The following CSPP1 variants were observed in gnomAD, a reference collection of about 807,000 sequenced individuals.
The protein encoded by CSPP1 is centrosome and spindle pole associated protein 1.
A neutral mutation model predicts 164.4 loss-of-function variants in CSPP1; 126 were observed. The ratio of observed to expected loss-of-function variants is 0.77; its 90% CI spans 0.66 to 0.89. CSPP1 has a LOEUF of 0.89. Ranked by LOEUF, CSPP1 falls within the 40% of genes least tolerant of loss-of-function variation. The pLI is 0.00. For synonymous variants in CSPP1, 472 were observed against 476.7 expected (o/e 0.99, Z 0.13); for missense variants, 1,395 against 1,449.8 (o/e 0.96, Z 0.61).
At chr8:67,187,123 T>C (rs1834890214) in intron 28 of CSPP1, among the ~76,000 whole-genome samples, 1 of 152,212 alleles carries the variant, frequency 6.6e-6, no homozygotes, top group Non-Finnish European at 1.5e-5. Context: ...TGACTCAGTA[T>C]TGTCAAGATG....
rs754878483 is a variant in CSPP1, at chr8:67,158,551, G to A, written c.2346G>A (p.Gln782=). The A allele has an allele frequency of 3.1e-6, 5 of 1,611,124 alleles. No homozygotes were observed. The South Asian group carries it at 5.5e-5, about 18-fold the overall frequency. The part of the protein sequence containing the change: ...RLAEQRARIQ[Q]EYEEEQEKKR... ...CAGAACAGAGGGCACGAATTCAGCA[G>A]GAGTATGAAGAGGAACAGGAAAAGA... The change falls in exon 20 of 31, where the codon CAG becomes CAA. Residue 782 remains glutamine (Q), a synonymous_variant. Transcript: ENST00000678616.
At position 67,159,509 on chromosome 8, in the gene CSPP1, CTTTTTTTTTTTTTTTTT is replaced by C. The variant is rs1172369424; in HGVS notation, c.2538+385_2538+401del. ...GTTTATATATATATATATATGTATT[CTTTTTTTTTTTTTTTTT>C]TTTTTTTTTTTTGAGACATAATCTC... On this transcript the variant is annotated intron_variant, in intron 21 of 30. Transcript: ENST00000678616. 5.2e-3 allele frequency among the ~76,000 whole-genome samples: 253 copies of C among 48,928 alleles called. 3 individuals carry two copies. The highest frequency in any genetic ancestry group is 0.018 in the African/African-American group (243 of 13,678). 32.1% of individuals were successfully genotyped at this position (48,928 alleles called of 152,430 possible).
intron 19 of CSPP1, among the ~76,000 whole-genome samples, chr8:67,154,981 G>T (rs1042764467): frequency 6.6e-6 from 1 of 152,162 alleles, no homozygotes; most frequent in Non-Finnish European, 1.5e-5. Flanking sequence ...TTAGATTTAA[G>T]ATAATCACAG....
At chr8:67,100,407 G>C (rs1001743656) in intron 7 of CSPP1, among the ~76,000 whole-genome samples, 3 of 152,092 alleles carry the variant, frequency 2.0e-5, no homozygotes, top group Non-Finnish European at 4.4e-5. Context: ...GTGGTATAAA[G>C]ATAAGCTAGA....
At chr8:67,131,033 A>C (rs1166209372) in intron 15 of CSPP1, among the ~76,000 whole-genome samples, 1 of 152,168 alleles carries the variant, frequency 6.6e-6, no homozygotes, top group African/African-American at 2.4e-5. Flanking sequence ...ATTTGAATTT[A>C]TCTTTTATAA....
Position 67,190,733 on chromosome 8 carries a change from AG to A in CSPP1, c.3306del (p.Asn1103ThrfsTer6), listed in dbSNP as rs1835987472. The A allele has an allele frequency of 1.2e-6, 2 of 1,613,190 alleles. No individual in the cohort carries two copies. The highest frequency in any genetic ancestry group is 1.7e-6 in the Non-Finnish European group (2 of 1,179,254). On this transcript the variant is annotated frameshift_variant, in exon 29 of 31. Coordinates refer to ENST00000678616, the MANE Select transcript of CSPP1 (RefSeq NM_001382391.1). LOFTEE classifies it high-confidence loss of function. ...GTTGCCCTCTGCACGGGAGCGCAGG[AG>A]GAACAAATGGAAAGGACTAGACATT... is the stretch of plus-strand genomic sequence containing the variant. The part of the protein sequence containing the change: ...SQLPSARERR[R>X]NKWKGLDIDS...
chr8:67,150,487 C>G (rs1489424738), intron 18 of CSPP1, among the ~76,000 whole-genome samples: 1 of 152,058 alleles, frequency 6.6e-6, no homozygotes, highest in Non-Finnish European at 1.5e-5. Context: ...TCACTGCAAC[C>G]TCCACCTCCT....
intron 2 of CSPP1, chr8:67,074,857 C>A: frequency 4.3e-6 from 1 of 234,830 alleles, no homozygotes; most frequent in South Asian, 4.3e-5. Flanking sequence ...CTCAGCTCGC[C>A]ACAACCTCCG....
chr8:67,159,957 C>CCTTCCTTCTTTTCT (rs1554605789), intron 21 of CSPP1, among the ~76,000 whole-genome samples: 1 of 20,020 alleles, frequency 5.0e-5, no homozygotes, highest in African/African-American at 2.6e-4. Context: ...TTCCTTCCTT[C>CCTTCCTTCTTTTCT]TTTCTTTTCT....
At chr8:67,090,941 A>G (rs1324891080) in intron 4 of CSPP1, among the ~76,000 whole-genome samples, 1 of 152,252 alleles carries the variant, frequency 6.6e-6, no homozygotes, top group African/African-American at 2.4e-5. Flanking sequence ...GAAGTGAAGT[A>G]AATTATTCCA....
chr8:67,076,290 G>A (rs968992568), intron 2 of CSPP1, among the ~76,000 whole-genome samples, 192 bp from the exon 3 acceptor site: 4 of 152,098 alleles, frequency 2.6e-5, no homozygotes, highest in Non-Finnish European at 5.9e-5. Flanking sequence ...GTTGGTAAGT[G>A]AATGAGTTAA....
chr8:67,139,234 A>G (rs1003316495), intron 17 of CSPP1, among the ~76,000 whole-genome samples: 4 of 152,270 alleles, frequency 2.6e-5, no homozygotes, highest in Admixed American at 2.0e-4. Flanking sequence ...CAACAGACAC[A>G]TGAAAAAATG....
chr8:67,174,800 C>G (rs1831224944), intron 25 of CSPP1: 1 of 153,386 alleles, frequency 6.5e-6, no homozygotes, highest in Admixed American at 6.5e-5. Flanking sequence ...CATTCCCCCT[C>G]AAGTTCCAGC....
At chr8:67,130,834 G>C (rs1223951723) in intron 15 of CSPP1, among the ~76,000 whole-genome samples, 3 of 151,638 alleles carry the variant, frequency 2.0e-5, no homozygotes, top group Non-Finnish European at 2.9e-5. Flanking sequence ...CTAAAAATAC[G>C]AAAATTAGCC....
chr8:67,164,156 C>T (rs112955040), intron 23 of CSPP1, among the ~76,000 whole-genome samples: 97 of 152,356 alleles, frequency 6.4e-4, no homozygotes, highest in African/African-American at 2.1e-3. Context: ...TATAGTTGCA[C>T]TCCCCCAAGA....
At chr8:67,163,936 C>T in intron 23 of CSPP1, 138 bp downstream of exon 23, 3 of 627,244 alleles carry the variant, frequency 4.8e-6, no homozygotes, top group South Asian at 2.1e-5. Flanking sequence ...CCAACTTTCC[C>T]CTGGGGTAAC....
intron 21 of CSPP1, among the ~76,000 whole-genome samples, chr8:67,160,027 T>TTTTCTTTTCTTTTCC (rs1326070881): frequency 1.2e-5 from 1 of 86,128 alleles, no homozygotes; most frequent in Non-Finnish European, 2.1e-5. Context: ...TTTTCTTTTC[T>TTTTCTTTTCTTTTCC]TTTCTTTTTC....
At position 67,113,823 on chromosome 8, in the gene CSPP1, C is replaced by A; in HGVS notation, c.1206C>A (p.Leu402=). The A allele has an allele frequency of 6.3e-7, 1 of 1,579,396 alleles. No individual in the cohort carries two copies. Among genetic ancestry groups the A allele is most frequent in the Non-Finnish European group, 8.6e-7 (1 of 1,157,346 alleles). The change falls in exon 11 of 31, where the codon CTC becomes CTA. Residue 402 remains leucine (L), a synonymous_variant. Transcript: ENST00000678616. Reference sequence around the variant, plus strand: ...TGTTTAGAGAAAAAGATTTAGAACTCAGGGTTGCAGCGTCTGGAGCACAAG... The same window carrying A: ...TGTTTAGAGAAAAAGATTTAGAACTAAGGGTTGCAGCGTCTGGAGCACAAG... ...RNKRREKDLE[L]RVAASGAQDP...
intron 10 of CSPP1, 77 bp from the exon 11 acceptor site, chr8:67,113,728 A>G: frequency 1.4e-6 from 1 of 737,234 alleles, no homozygotes; most frequent in Non-Finnish European, 2.3e-6. Flanking sequence ...TTTGTGTATA[A>G]GCTTCTTTCA....
Sources: gnomAD v4.1 joint callset for allele counts (sites outside exome capture counted in the v4.1 genomes callset) on GRCh38, gnomAD v4.1.1 for gene constraint, MANE v1.5 for transcripts, NCBI Gene and HGNC (gene_info 2026-07-23, HGNC 2026-07-21) for gene names.